Variants in ABCC11 observed in about 807,000 individuals in gnomAD.
ABCC11 encodes ATP-binding cassette sub-family C member 11.
Under a neutral mutation model 149.3 loss-of-function variants are expected in ABCC11, and 135 were observed. That is an observed-to-expected ratio of 0.90 (90% CI 0.79 to 1.04). The LOEUF (loss-of-function observed/expected upper bound fraction) is 1.04. Ranked by LOEUF, ABCC11 falls within the 50% of genes least tolerant of loss-of-function variation. ABCC11 has a pLI of 0.00. For missense variants in ABCC11, 1,680 were observed against 1,722.1 expected, an observed-to-expected ratio of 0.98 and a Z score of 0.43; for synonymous variants, 665 against 671.4, an observed-to-expected ratio of 0.99 and a Z score of 0.15.
rs369395434 is a variant in ABCC11 at position 48,174,461 on chromosome 16, C to G, written c.3698+797G>C. Among the ~76,000 whole-genome samples the G allele has an allele frequency of 1.5e-3, 224 of 152,330 alleles. 4 individuals are homozygous for G. The South Asian group carries it at 0.021, about 14-fold the overall frequency. On this transcript the variant is annotated intron_variant, in intron 26 of 29. Transcript: ENST00000356608. The stretch of plus-strand genomic sequence containing the variant: ...GCATCCATCTTCCTCAGTCCCCATG[C>G]CTTGATGTTTCCTCCCAGATAAAGT...
chr16:48,198,556 C>T (rs1423524087), intron 15 of ABCC11, among the ~76,000 whole-genome samples: 4 of 151,550 alleles, frequency 2.6e-5, no homozygotes, highest in South Asian at 2.1e-4. Flanking sequence ...TATGAACCAA[C>T]GATTCGACTC....
At chr16:48,235,727 A>G (rs1970655643) in intron 1 of ABCC11, among the ~76,000 whole-genome samples, 1 of 152,212 alleles carries the variant, frequency 6.6e-6, no homozygotes, top group Non-Finnish European at 1.5e-5. Flanking sequence ...TAAGACCATC[A>G]TTGTAGTCAG....
chr16:48,202,931 C>T (rs933641156), intron 14 of ABCC11, among the ~76,000 whole-genome samples: 3 of 152,142 alleles, frequency 2.0e-5, no homozygotes, highest in Non-Finnish European at 4.4e-5. Context: ...GGGGCAAGGG[C>T]GATGCAGCGT....
At chr16:48,214,825 A>G (rs1056616616) in intron 9 of ABCC11, 56 bp downstream of exon 9, 28 of 1,603,842 alleles carry the variant, frequency 1.7e-5, no homozygotes, top group South Asian at 5.5e-5. Flanking sequence ...AAAAAAGGAC[A>G]CGTGAGAAAA....
chr16:48,197,368 T>C (rs1967525415), intron 17 of ABCC11, among the ~76,000 whole-genome samples: 1 of 152,110 alleles, frequency 6.6e-6, no homozygotes, highest in Non-Finnish European at 1.5e-5. Flanking sequence ...ATGTGACAGG[T>C]ACTGTGTAGG....
chr16:48,174,738 G>T (rs913704727), intron 26 of ABCC11, among the ~76,000 whole-genome samples: 2 of 152,190 alleles, frequency 1.3e-5, no homozygotes, highest in African/African-American at 4.8e-5. Flanking sequence ...GAATATGGTA[G>T]CCTGAGTGCA....
At position 48,224,334 on chromosome 16, in the gene ABCC11, A is replaced by G. The variant is rs374168413; in HGVS notation, c.491T>C (p.Ile164Thr). Reference sequence around the variant, plus strand: ...GCAGATGCCCAGAAGTGCATCGAAAATCAACCTTGTTCTCTGGAACCTCAG... The same window carrying G: ...GCAGATGCCCAGAAGTGCATCGAAAGTCAACCTTGTTCTCTGGAACCTCAG... The part of the protein sequence containing the change: ...VMLRFQRTRL[I>T]FDALLGICFC... Residue 164 changes from isoleucine to threonine, a missense_variant, in exon 5 of 30, where the codon ATT becomes ACT. Ile to Thr is a moderately conservative substitution (Grantham distance 89, BLOSUM62 -1). Coordinates refer to ENST00000356608, the MANE Select transcript of ABCC11 (RefSeq NM_001370497.1). 8 of 1,614,080 alleles carry G rather than the reference A, an allele frequency of 5.0e-6. No homozygotes were observed. Among genetic ancestry groups the G allele is most frequent in the Non-Finnish European group, 5.9e-6 (7 of 1,180,044 alleles).
chr16:48,243,860 C>A (rs952506775), intron 1 of ABCC11, among the ~76,000 whole-genome samples: 2 of 151,698 alleles, frequency 1.3e-5, no homozygotes, highest in African/African-American at 4.8e-5. Flanking sequence ...GGTGTGGTGG[C>A]GGGCATCTGT....
chr16:48,201,470 T>C (rs2150823567), intron 14 of ABCC11, among the ~76,000 whole-genome samples: 1 of 138,046 alleles, frequency 7.2e-6, no homozygotes, highest in East Asian at 1.9e-4. Flanking sequence ...TTTTTTTTCT[T>C]TTTCTTTTTT....
intron 13 of ABCC11, 62 bp downstream of exon 13, chr16:48,205,351 T>G (rs1382151639): frequency 1.2e-6 from 2 of 1,601,558 alleles, no homozygotes; most frequent in African/African-American, 2.7e-5. Context: ...CGTTTGAAGC[T>G]GGAGGTGCCC....
intron 4 of ABCC11, 132 bp from the exon 5 acceptor site, chr16:48,224,561 T>C: frequency 1.0e-6 from 1 of 952,540 alleles, no homozygotes; most frequent in African/African-American, 1.7e-5. Context: ...AGTAATCTTC[T>C]GAGTACTCAT....
At chr16:48,243,401 C>CAAAAAA (rs541776018) in intron 1 of ABCC11, among the ~76,000 whole-genome samples, 2 of 72,840 alleles carry the variant, frequency 2.7e-5, no homozygotes, top group Non-Finnish European at 5.8e-5. Context: ...GACTCCGTCT[C>CAAAAAA]AAAAAAAAAA....
intron 3 of ABCC11, among the ~76,000 whole-genome samples, chr16:48,228,579 A>G (rs984033423): frequency 2.0e-5 from 3 of 152,024 alleles, no homozygotes; most frequent in Non-Finnish European, 2.9e-5. Flanking sequence ...CCTGGGAGAC[A>G]GCGCACGACT....
chr16:48,177,246 G>T (rs1966142006), intron 24 of ABCC11, 133 bp from the exon 25 acceptor site: 7 of 877,550 alleles, frequency 8.0e-6, no homozygotes, highest in Non-Finnish European at 1.2e-5. Flanking sequence ...CAAGCCCCCT[G>T]CTGTGTAATC....
chr16:48,183,157 C>T (rs538748548), intron 23 of ABCC11, among the ~76,000 whole-genome samples: 2 of 152,274 alleles, frequency 1.3e-5, no homozygotes, highest in East Asian at 3.9e-4. Context: ...AGGGGACATA[C>T]GCAAGATCCC....
At position 48,200,483 on chromosome 16, in the gene ABCC11, C is replaced by A. The variant is rs760744128; in HGVS notation, c.1879-4G>T. On this transcript the variant is annotated splice_polypyrimidine_tract_variant and splice_region_variant and intron_variant, in intron 14 of 29. Coordinates refer to ENST00000356608, the MANE Select transcript of ABCC11 (RefSeq NM_001370497.1). ...GGTTGAGGCCCCGCTCTCCAATCTG[C>A]AGACAGGCAGTAAAAGGCACCATGT... The A allele has an allele frequency of 1.2e-6, 2 of 1,613,386 alleles. No homozygotes were observed. The highest frequency in any genetic ancestry group is 1.7e-5 in the Admixed American group (1 of 59,954).
chr16:48,192,791 G>C, intron 19 of ABCC11, 74 bp from the exon 20 acceptor site: 3 of 1,444,732 alleles, frequency 2.1e-6, no homozygotes, highest in Non-Finnish European at 2.9e-6. Flanking sequence ...CTTCTCCCTG[G>C]GGCCACGTGA....
rs1419902825 is a variant in ABCC11, at chr16:48,227,713, G to T, written c.395+93C>A. ...AGGAAGAGCCAAGTCGTCTGGCATG[G>T]CCCCTCCCTACCACCCTTAGGCATC... On this transcript the variant is annotated intron_variant, in intron 4 of 29. Transcript: ENST00000356608. The T allele has an allele frequency of 3.2e-6, 5 of 1,552,754 alleles. No individual in the cohort carries two copies. In the South Asian group the frequency reaches 3.4e-5, roughly 10 times the overall value.
chr16:48,231,489 C>T (rs1428514051), intron 2 of ABCC11, among the ~76,000 whole-genome samples: 1 of 151,700 alleles, frequency 6.6e-6, no homozygotes, highest in Non-Finnish European at 1.5e-5. Context: ...TAGGGAGACC[C>T]CCATTTCTGT....
Sources: gnomAD v4.1 joint callset for allele counts (sites outside exome capture counted in the v4.1 genomes callset) on GRCh38, gnomAD v4.1.1 for gene constraint, MANE v1.5 for transcripts, NCBI Gene and HGNC (gene_info 2026-07-23, HGNC 2026-07-21) for gene names.